The following OR6N1 variants were observed in gnomAD, a reference collection of about 807,000 sequenced individuals.
OR6N1 encodes the protein olfactory receptor family 6 subfamily N member 1.
For synonymous variants in OR6N1, 170 were observed against 150.7 expected (o/e 1.13, Z -0.94); for missense variants, 394 against 371.7 (o/e 1.06, Z -0.49).
At chr1:158,775,122 G>GTA (rs1303934671), upstream of OR6N1, 1 of 152,146 alleles carries the variant, frequency 6.6e-6, no homozygotes, top group Non-Finnish European at 1.5e-5. Flanking sequence ...CTATATCTAT[G>GTA]TATATATACA....
the OR6N1 span, among the ~76,000 whole-genome samples, chr1:158,780,799 A>G: frequency 6.6e-6 from 1 of 152,206 alleles, no homozygotes; most frequent in South Asian, 2.1e-4. Context: ...TATTTTATGA[A>G]TAATTGTTTT....
chr1:158,823,521 G>C, the OR6N1 span, among the ~76,000 whole-genome samples: 1 of 151,910 alleles, frequency 6.6e-6, no homozygotes, highest in Non-Finnish European at 1.5e-5. Context: ...TAGTCTCTAA[G>C]GATTTTTTAT....
At position 158,766,174 on chromosome 1, in the gene OR6N1, C is replaced by A; in HGVS notation, c.509G>T (p.Gly170Val). ...AAAGACGTGCTGAATGCGATTGGGGCCACAGAATGGGAGGCGTGAAATCAA... is the reference window on the plus strand; with the variant it reads ...AAAGACGTGCTGAATGCGATTGGGGACACAGAATGGGAGGCGTGAAATCAA... ...ISLISRLPFC[G>V]PNRIQHVFCD... The change falls in exon 2 of 2, where the codon GGC (glycine) becomes GTC (valine). Residue 170 changes from glycine to valine, a missense_variant. Transcript: ENST00000641846. The A allele has an allele frequency of 6.2e-7, 1 of 1,614,078 alleles. No homozygotes were observed. Among genetic ancestry groups the A allele is most frequent in the Non-Finnish European group, 8.5e-7 (1 of 1,180,032 alleles).
At chr1:158,776,510 T>C, upstream of OR6N1, 1 of 487,790 alleles carries the variant, frequency 2.1e-6, no homozygotes, top group Non-Finnish European at 3.6e-6. Flanking sequence ...CTGACATAAG[T>C]GATCGAGTAA....
At chr1:158,783,179 C>T in the OR6N1 span, among the ~76,000 whole-genome samples, 1 of 152,282 alleles carries the variant, frequency 6.6e-6, no homozygotes, top group African/African-American at 2.4e-5. Flanking sequence ...CTCATTGGTC[C>T]TATGGCAACT....
At chr1:158,817,002 G>C in the OR6N1 span, among the ~76,000 whole-genome samples, 1 of 152,188 alleles carries the variant, frequency 6.6e-6, no homozygotes, top group Non-Finnish European at 1.5e-5. Flanking sequence ...TATTTTCTTA[G>C]AGCAAGTTCA....
the OR6N1 span, among the ~76,000 whole-genome samples, chr1:158,791,764 G>C: frequency 6.6e-6 from 1 of 152,106 alleles, no homozygotes; most frequent in Non-Finnish European, 1.5e-5. Flanking sequence ...CACAGTGACC[G>C]GTCAATTTTG....
chr1:158,766,452 G>A lies in OR6N1; in HGVS notation c.231C>T (p.Thr77=). Residue 77 remains threonine, a synonymous_variant, in exon 2 of 2, where the codon ACC becomes ACT. Transcript: ENST00000641846. The part of the protein sequence containing the change: ...SFSELGYTAA[T]IPKMLANLLS... ...GCAAGTTTGCCAGCATCTTAGGGAT[G>A]GTGGCAGCTGTATAGCCAAGCTCTG... The A allele has an allele frequency of 1.9e-6, 3 of 1,614,116 alleles. No homozygotes were observed. The highest frequency in any genetic ancestry group is 2.5e-6 in the Non-Finnish European group (3 of 1,179,968).
At chr1:158,804,878 G>A in the OR6N1 span, among the ~76,000 whole-genome samples, 532 of 152,146 alleles carry the variant, frequency 3.5e-3, 5 homozygotes, top group African/African-American at 0.012. Flanking sequence ...AATGGGATGC[G>A]TATAACACTG....
At chr1:158,806,678 C>A in the OR6N1 span, among the ~76,000 whole-genome samples, 1 of 152,054 alleles carries the variant, frequency 6.6e-6, no homozygotes, top group Non-Finnish European at 1.5e-5. Context: ...AACTTTAGAA[C>A]ACTTTGATGT....
In OR6N1 at chr1:158,765,472, G is replaced by C. The variant is rs1433352319; in HGVS notation, c.*272C>G. The C allele has an allele frequency of 6.2e-6, 2 of 324,022 alleles. No homozygotes were observed. Among genetic ancestry groups the C allele is most frequent in the African/African-American group, 4.2e-5 (2 of 47,736 alleles). The allele number at this position is 324,022 out of a possible 1,614,324, so 20.1% of individuals were successfully genotyped here. ...GACACAGATTTTAAAAAAAACCTAA[G>C]TGTGATACATAAACATCTGAGTTTT... is the stretch of plus-strand genomic sequence containing the variant. On this transcript the variant is annotated 3_prime_UTR_variant, in exon 2 of 2. Coordinates refer to ENST00000641846, the MANE Select transcript of OR6N1 (RefSeq NM_001005185.2).
chr1:158,814,825 C>T, the OR6N1 span, among the ~76,000 whole-genome samples: 1 of 152,086 alleles, frequency 6.6e-6, no homozygotes, highest in Non-Finnish European at 1.5e-5. Flanking sequence ...TGATTATTTC[C>T]CACTTCTTTT....
chr1:158,839,476 C>T, the OR6N1 span, among the ~76,000 whole-genome samples: 2 of 152,320 alleles, frequency 1.3e-5, no homozygotes, highest in Middle Eastern at 3.4e-3. Flanking sequence ...CTCTCACAAG[C>T]TGGAGCACCC....
At chr1:158,801,284 T>TA in the OR6N1 span, among the ~76,000 whole-genome samples, 6 of 151,754 alleles carry the variant, frequency 4.0e-5, 1 homozygote, top group African/African-American at 1.5e-4. Flanking sequence ...ACAAAATTGT[T>TA]AAATGCCGGG....
At chr1:158,805,419 C>T in the OR6N1 span, among the ~76,000 whole-genome samples, 28 of 152,228 alleles carry the variant, frequency 1.8e-4, no homozygotes, top group African/African-American at 2.4e-4. Context: ...CATATCATAG[C>T]GCTTATAAAA....
chr1:158,793,139 G>A, the OR6N1 span, among the ~76,000 whole-genome samples: 1 of 151,300 alleles, frequency 6.6e-6, no homozygotes, highest in Admixed American at 6.6e-5. Flanking sequence ...TTCCTTTAAA[G>A]TATCAGTCTC....
intron 1 of OR6N1, 95 bp from the exon 2 acceptor site, chr1:158,766,795 C>T: frequency 1.4e-6 from 1 of 725,996 alleles, no homozygotes; most frequent in Non-Finnish European, 2.2e-6. Context: ...TCCCTTCTCT[C>T]ACCTCCAGAG....
chr1:158,771,164 T>G (rs573488607), intron 1 of OR6N1, among the ~76,000 whole-genome samples: 4 of 152,342 alleles, frequency 2.6e-5, no homozygotes, highest in African/African-American at 9.6e-5. Flanking sequence ...TTTTTTTCCC[T>G]GACCATCTAA....
chr1:158,820,053 T>A, the OR6N1 span, among the ~76,000 whole-genome samples: 2 of 152,214 alleles, frequency 1.3e-5, no homozygotes, highest in African/African-American at 4.8e-5. Context: ...TTGCTAAAAA[T>A]ATTCCTTATG....
Sources: gnomAD v4.1 joint callset for allele counts (sites outside exome capture counted in the v4.1 genomes callset) on GRCh38, gnomAD v4.1.1 for gene constraint, MANE v1.5 for transcripts, NCBI Gene and HGNC (gene_info 2026-07-23, HGNC 2026-07-21) for gene names.